The following GPC5 variants were observed in gnomAD, a reference collection of about 807,000 sequenced individuals.
The protein encoded by GPC5 is glypican-5.
Under a neutral mutation model 53.9 loss-of-function variants are expected in GPC5, and 47 were observed. The observed-to-expected ratio is 0.87, with a 90% CI of 0.69 to 1.11. The LOEUF is 1.11. Ranked by LOEUF, GPC5 falls within the 50% of genes most tolerant of loss-of-function variation. GPC5 has a pLI of 0.00. For synonymous variants in GPC5, 286 were observed against 263.3 expected, an observed-to-expected ratio of 1.09 and a Z score of -0.84; for missense variants, 748 against 713.1, an observed-to-expected ratio of 1.05 and a Z score of -0.56.
intron 7 of GPC5, among the ~76,000 whole-genome samples, chr13:92,576,032 T>C (rs1459594931): frequency 1.3e-5 from 2 of 152,162 alleles, no homozygotes; most frequent in African/African-American, 4.8e-5. Flanking sequence ...GCCATCTCAG[T>C]CATAAAGGTG....
At chr13:91,618,986 C>T (rs1454097671) in intron 2 of GPC5, among the ~76,000 whole-genome samples, 1 of 152,014 alleles carries the variant, frequency 6.6e-6, no homozygotes, top group Non-Finnish European at 1.5e-5. Flanking sequence ...ACTACTATTA[C>T]TATTATTATA....
intron 7 of GPC5, among the ~76,000 whole-genome samples, chr13:92,508,482 T>C (rs1476210682): frequency 1.3e-5 from 2 of 152,142 alleles, no homozygotes; most frequent in East Asian, 3.9e-4. Context: ...TTTCACAGAT[T>C]TTGTACAATC....
intron 7 of GPC5, among the ~76,000 whole-genome samples, chr13:92,409,443 G>T (rs913437614): frequency 6.6e-6 from 1 of 151,930 alleles, no homozygotes; most frequent in Non-Finnish European, 1.5e-5. Flanking sequence ...AAATTTCCAA[G>T]AATTATAAGG....
At chr13:92,157,117 G>A (rs1018567023) in intron 7 of GPC5, among the ~76,000 whole-genome samples, 1 of 152,138 alleles carries the variant, frequency 6.6e-6, no homozygotes, top group Non-Finnish European at 1.5e-5. Flanking sequence ...ACTCCAAGTA[G>A]ACTATTTTTG....
At chr13:91,702,860 A>G (rs2036023051) in intron 3 of GPC5, among the ~76,000 whole-genome samples, 1 of 151,914 alleles carries the variant, frequency 6.6e-6, no homozygotes, top group Non-Finnish European at 1.5e-5. Context: ...CCTTTGTTAA[A>G]CTTATTTTCT....
At chr13:92,539,850 G>C (rs1881875063) in intron 7 of GPC5, among the ~76,000 whole-genome samples, 1 of 151,938 alleles carries the variant, frequency 6.6e-6, no homozygotes, top group Admixed American at 6.6e-5. Flanking sequence ...ATTGGGGCTA[G>C]TAATTCTTTG....
At chr13:91,939,558 G>GT in intron 6 of GPC5, among the ~76,000 whole-genome samples, 1 of 152,266 alleles carries the variant, frequency 6.6e-6, no homozygotes, top group Admixed American at 6.6e-5. Flanking sequence ...CATGTGTATA[G>GT]TTTTCCCAAG....
chr13:92,507,229 C>T (rs1204119661), intron 7 of GPC5, among the ~76,000 whole-genome samples: 1 of 152,204 alleles, frequency 6.6e-6, no homozygotes, highest in Admixed American at 6.5e-5. Context: ...TTTGTCTTCA[C>T]AGTACATTGA....
chr13:91,490,679 A>G (rs910967394), intron 2 of GPC5, among the ~76,000 whole-genome samples: 7 of 152,218 alleles, frequency 4.6e-5, no homozygotes, highest in Admixed American at 3.3e-4. Context: ...GTTTGAAGAA[A>G]AGATGGATAC....
intron 1 of GPC5, among the ~76,000 whole-genome samples, chr13:91,436,153 A>AT (rs1350849855): frequency 3.3e-5 from 5 of 151,632 alleles, no homozygotes; most frequent in African/African-American, 4.8e-5. Flanking sequence ...GGATTCATTG[A>AT]TTTTTTGAAG....
chr13:92,474,091 C>T (rs1387579877), intron 7 of GPC5, among the ~76,000 whole-genome samples: 2 of 151,494 alleles, frequency 1.3e-5, no homozygotes, highest in African/African-American at 4.8e-5. Flanking sequence ...TAAATAACAG[C>T]ATAAACTGTT....
chr13:91,929,988 T>C (rs1432161800), intron 6 of GPC5, among the ~76,000 whole-genome samples: 1 of 152,108 alleles, frequency 6.6e-6, no homozygotes, highest in African/African-American at 2.4e-5. Flanking sequence ...TTCCCAAATG[T>C]AATTTGAAAG....
At chr13:92,796,026 G>T (rs1876665626) in intron 7 of GPC5, among the ~76,000 whole-genome samples, 4 of 152,012 alleles carry the variant, frequency 2.6e-5, no homozygotes, top group Admixed American at 2.0e-4. Context: ...ATACCCAAAG[G>T]ATTATAAATC....
intron 7 of GPC5, among the ~76,000 whole-genome samples, chr13:92,150,969 A>G (rs2138992419): frequency 6.6e-6 from 1 of 152,210 alleles, no homozygotes; most frequent in Non-Finnish European, 1.5e-5. Context: ...AGCTATCAAC[A>G]AAACCAGAAA....
chr13:92,775,942 G>C (rs1321507713), intron 7 of GPC5, among the ~76,000 whole-genome samples: 1 of 152,198 alleles, frequency 6.6e-6, no homozygotes, highest in Non-Finnish European at 1.5e-5. Flanking sequence ...GAATAAGATG[G>C]ATTTATGACT....
chr13:91,801,294 T>TGTGTGTGTGTG (rs1566271007), intron 5 of GPC5, among the ~76,000 whole-genome samples: 6 of 149,952 alleles, frequency 4.0e-5, no homozygotes, highest in South Asian at 2.1e-4. Flanking sequence ...TGTGTGTGTG[T>TGTGTGTGTGTG]TTTCTTCAGA....
At chr13:92,329,392 A>G (rs943765410) in intron 7 of GPC5, among the ~76,000 whole-genome samples, 2 of 152,110 alleles carry the variant, frequency 1.3e-5, no homozygotes, top group Admixed American at 1.3e-4. Flanking sequence ...CAGATCTCAC[A>G]TGATCTAATG....
intron 7 of GPC5, among the ~76,000 whole-genome samples, chr13:92,184,063 T>A (rs547974148): frequency 6.6e-6 from 1 of 152,254 alleles, no homozygotes; most frequent in East Asian, 1.9e-4. Context: ...CAAATTCATA[T>A]GGCTCTAATC....
intron 6 of GPC5, among the ~76,000 whole-genome samples, chr13:92,034,102 A>C (rs1566404701): frequency 6.6e-6 from 1 of 152,220 alleles, no homozygotes; most frequent in Non-Finnish European, 1.5e-5. Context: ...TAATGCTAAC[A>C]AAACAAGAAA....
Sources: allele counts gnomAD v4.1 joint callset (sites outside exome capture counted in the v4.1 genomes callset), GRCh38; gene constraint gnomAD v4.1.1; transcripts MANE v1.5; gene names NCBI Gene and HGNC (gene_info 2026-07-23, HGNC 2026-07-21).